Variants in NLGN1 observed in about 807,000 individuals in gnomAD.
NLGN1 encodes neuroligin 1, also known as neuroligin-1.
Under a neutral mutation model 65.5 loss-of-function variants are expected in NLGN1, and 12 were observed. The observed-to-expected ratio is 0.18, with a 90% CI of 0.12 to 0.30. The LOEUF (loss-of-function observed/expected upper bound fraction) is 0.30. Among genes scored for constraint, NLGN1 ranks in the 10% least tolerant of loss-of-function variants. The pLI is 1.00. For missense variants in NLGN1, 750 were observed against 1,007.1 expected (o/e 0.74, Z 3.46); for synonymous variants, 350 against 359.5 (o/e 0.97, Z 0.30).
upstream of NLGN1, chr3:173,397,683 C>T (rs2148587642): frequency 6.6e-6 from 1 of 152,544 alleles, no homozygotes; most frequent in South Asian, 2.1e-4. Flanking sequence ...CTCCTCCCCG[C>T]CTCCCCGCGG....
At chr3:173,854,711 T>C (rs1446487773) in intron 4 of NLGN1, among the ~76,000 whole-genome samples, 2 of 152,084 alleles carry the variant, frequency 1.3e-5, no homozygotes, top group Non-Finnish European at 2.9e-5. Flanking sequence ...TCATATTTAT[T>C]GGGGAAAACA....
intron 4 of NLGN1, among the ~76,000 whole-genome samples, chr3:174,196,629 C>G (rs557006418): frequency 3.4e-4 from 52 of 152,250 alleles, no homozygotes; most frequent in African/African-American, 1.2e-3. Context: ...GTTTCTGTAA[C>G]ATTTTCAGCG....
chr3:174,093,034 A>C (rs1429679392), intron 4 of NLGN1, among the ~76,000 whole-genome samples: 1 of 152,222 alleles, frequency 6.6e-6, no homozygotes, highest in African/African-American at 2.4e-5. Flanking sequence ...ACCTAACAAC[A>C]GTGAATGCAA....
chr3:173,731,769 T>C (rs908209696), intron 3 of NLGN1, among the ~76,000 whole-genome samples: 4 of 152,028 alleles, frequency 2.6e-5, no homozygotes, highest in African/African-American at 9.7e-5. Context: ...ATAATTTACA[T>C]AGAAATATAA....
At chr3:173,490,886 C>A (rs1015487649) in intron 2 of NLGN1, among the ~76,000 whole-genome samples, 2 of 151,830 alleles carry the variant, frequency 1.3e-5, no homozygotes, top group Admixed American at 6.6e-5. Flanking sequence ...CATGATTTGG[C>A]TCTCTGTTTG....
At chr3:173,758,750 A>C (rs1777511327) in intron 3 of NLGN1, among the ~76,000 whole-genome samples, 1 of 151,998 alleles carries the variant, frequency 6.6e-6, no homozygotes, top group South Asian at 2.1e-4. Flanking sequence ...ATTAAAACTT[A>C]AAAAAATAGC....
intron 4 of NLGN1, among the ~76,000 whole-genome samples, chr3:174,268,313 T>C (rs1268160489): frequency 1.3e-5 from 2 of 152,152 alleles, no homozygotes; most frequent in African/African-American, 2.4e-5. Flanking sequence ...GTTGTCCAGA[T>C]GCATATAGAC....
intron 2 of NLGN1, among the ~76,000 whole-genome samples, chr3:173,479,829 G>T (rs1183633237): frequency 6.6e-6 from 1 of 151,994 alleles, no homozygotes; most frequent in Non-Finnish European, 1.5e-5. Context: ...TTGAGAGAGG[G>T]CCTAAGTGTA....
intron 4 of NLGN1, among the ~76,000 whole-genome samples, chr3:173,812,707 A>G (rs945778150): frequency 6.7e-6 from 1 of 150,208 alleles, no homozygotes; most frequent in African/African-American, 2.4e-5. Context: ...ATCTTGTCTT[A>G]AAAAGGTTGT....
chr3:173,435,195 T>C (rs916979130), intron 2 of NLGN1: 2 of 152,540 alleles, frequency 1.3e-5, no homozygotes, highest in African/African-American at 4.8e-5. Flanking sequence ...AGTCATGACT[T>C]ACCTCTTTTG....
At chr3:174,020,496 A>C (rs763944196) in intron 4 of NLGN1, among the ~76,000 whole-genome samples, 3 of 152,152 alleles carry the variant, frequency 2.0e-5, no homozygotes, top group Non-Finnish European at 4.4e-5. Context: ...ACCTAATTTA[A>C]AAAACATTGA....
intron 3 of NLGN1, among the ~76,000 whole-genome samples, chr3:173,640,555 A>G (rs1054349524): frequency 6.6e-6 from 1 of 152,184 alleles, no homozygotes; most frequent in Non-Finnish European, 1.5e-5. Context: ...ATCATATCTA[A>G]GAAAATTAAC....
chr3:174,092,678 G>A (rs932153154), intron 4 of NLGN1, among the ~76,000 whole-genome samples: 1 of 152,012 alleles, frequency 6.6e-6, no homozygotes. Flanking sequence ...GGGAAATTGG[G>A]TCTCTAGGGC....
At chr3:173,978,858 A>AG (rs199689698) in intron 4 of NLGN1, among the ~76,000 whole-genome samples, 2 of 143,910 alleles carry the variant, frequency 1.4e-5, no homozygotes, top group Admixed American at 6.9e-5. Context: ...AAAAAAAAAA[A>AG]TTAGCCACTT....
At chr3:173,685,170 A>G (rs1764512992) in intron 3 of NLGN1, among the ~76,000 whole-genome samples, 1 of 152,174 alleles carries the variant, frequency 6.6e-6, no homozygotes, top group African/African-American at 2.4e-5. Flanking sequence ...GATGCCGAGT[A>G]GTTGCTCCAG....
chr3:173,877,048 G>A (rs779319691), intron 4 of NLGN1, among the ~76,000 whole-genome samples: 12 of 151,990 alleles, frequency 7.9e-5, no homozygotes, highest in Non-Finnish European at 1.0e-4. Flanking sequence ...CAAGTATCTC[G>A]CTCCCAAATA....
At chr3:173,694,689 T>A (rs1468125737) in intron 3 of NLGN1, among the ~76,000 whole-genome samples, 1 of 152,172 alleles carries the variant, frequency 6.6e-6, no homozygotes, top group Non-Finnish European at 1.5e-5. Flanking sequence ...ATTCCAGCCT[T>A]CATTGTAAAT....
At chr3:173,484,005 T>C (rs1017736879) in intron 2 of NLGN1, among the ~76,000 whole-genome samples, 1 of 152,158 alleles carries the variant, frequency 6.6e-6, no homozygotes, top group African/African-American at 2.4e-5. Context: ...TTACTAATCT[T>C]GATGCTAGTA....
exon 3 of NLGN1, chr3:173,604,407 T>C (rs1479430437): frequency 6.0e-6 from 4 of 661,498 alleles, no homozygotes; most frequent in Non-Finnish European, 1.1e-5. Flanking sequence ...ATAGTGATGA[T>C]TGAAGATGCT....
Sources: gnomAD v4.1 joint callset for allele counts (sites outside exome capture counted in the v4.1 genomes callset) on GRCh38, gnomAD v4.1.1 for gene constraint, MANE v1.5 for transcripts, NCBI Gene and HGNC (gene_info 2026-07-23, HGNC 2026-07-21) for gene names.